Variants in OCA2 observed in about 807,000 individuals in gnomAD.
OCA2 encodes OCA2 melanosomal transmembrane protein.
In OCA2, 77 loss-of-function variants were observed where a neutral mutation model predicts 100.2. That is an observed-to-expected ratio of 0.77 (90% CI 0.64 to 0.93). OCA2 has a LOEUF of 0.93. Ranked by LOEUF, OCA2 falls within the 40% of genes least tolerant of loss-of-function variation. The pLI is 0.00. For missense variants in OCA2, 1,062 were observed against 1,089.1 expected (o/e 0.98, Z 0.35); for synonymous variants, 432 against 439.2 (o/e 0.98, Z 0.21).
chr15:28,015,814 T>C (rs1264501165), intron 8 of OCA2, among the ~76,000 whole-genome samples: 2 of 152,220 alleles, frequency 1.3e-5, no homozygotes, highest in African/African-American at 4.8e-5. Context: ...CTAAATTTCC[T>C]AGAATTCTCC....
intron 14 of OCA2, among the ~76,000 whole-genome samples, chr15:27,980,732 A>G (rs2041133052): frequency 6.6e-6 from 1 of 152,186 alleles, no homozygotes; most frequent in Non-Finnish European, 1.5e-5. Context: ...ATTATCTCTA[A>G]AGAGAAATAT....
At chr15:27,896,638 C>CA (rs58489908) in intron 19 of OCA2, 6,368 of 141,358 alleles carry the variant, frequency 0.045, 473 homozygotes, top group African/African-American at 0.16. Context: ...TTATTGACAG[C>CA]AAAAAAAAAA....
chr15:27,970,978 G>A (rs1454976062), intron 14 of OCA2, among the ~76,000 whole-genome samples: 4 of 151,814 alleles, frequency 2.6e-5, no homozygotes, highest in Non-Finnish European at 5.9e-5. Flanking sequence ...AGCAAGCACG[G>A]CATGGTGGGA....
At chr15:28,089,008 C>T (rs564451323) in intron 1 of OCA2, among the ~76,000 whole-genome samples, 1 of 152,312 alleles carries the variant, frequency 6.6e-6, no homozygotes, top group East Asian at 1.9e-4. Flanking sequence ...AGACAGACGT[C>T]CCCAAAGTGG....
chr15:28,042,147 A>G (rs1021500100), intron 2 of OCA2, among the ~76,000 whole-genome samples: 3 of 152,146 alleles, frequency 2.0e-5, no homozygotes, highest in African/African-American at 4.8e-5. Context: ...GGAAGAATGA[A>G]CTTATCAACT....
intron 15 of OCA2, among the ~76,000 whole-genome samples, chr15:27,962,713 T>G (rs1010508135): frequency 3.3e-5 from 5 of 152,164 alleles, no homozygotes. Context: ...ATTTAAATAC[T>G]CAATTAATTC....
chr15:27,874,796 G>C (rs1174508885), intron 19 of OCA2, among the ~76,000 whole-genome samples: 1 of 152,004 alleles, frequency 6.6e-6, no homozygotes, highest in Non-Finnish European at 1.5e-5. Context: ...AGGGGAAATA[G>C]AATTTTAAAT....
intron 15 of OCA2, among the ~76,000 whole-genome samples, chr15:27,965,953 CTGTT>C (rs112228806): frequency 0.025 from 3,787 of 150,916 alleles, 112 homozygotes; most frequent in African/African-American, 0.067. Context: ...TCAGCATCTG[CTGTT>C]TGTTTGTTTG....
intron 2 of OCA2, among the ~76,000 whole-genome samples, chr15:28,035,731 C>T (rs570220145): frequency 4.0e-5 from 6 of 151,482 alleles, no homozygotes; most frequent in Admixed American, 2.6e-4. Context: ...TCTGATTTCC[C>T]CCATGTCTCA....
chr15:27,871,217 C>T lies in OCA2; in HGVS notation c.2181G>A (p.Leu727=), dbSNP rs1270466645. The change falls in exon 21 of 24, where the codon CTG becomes CTA. Residue 727 remains leucine, a synonymous_variant. Transcript: ENST00000354638. The stretch of plus-strand genomic sequence containing the variant: ...ACGCCAGGGCTGAGACCCACACCAC[C>T]AGGACAATGGCGGCTATGAGGCGCT... ...EEQRLIAAIV[L]VVWVSALASS... is the part of the protein sequence containing the mutation. The T allele has an allele frequency of 6.2e-7, 1 of 1,614,032 alleles. No individual in the cohort carries two copies. The highest frequency in any genetic ancestry group is 1.7e-5 in the Admixed American group (1 of 59,992).
intron 23 of OCA2, among the ~76,000 whole-genome samples, chr15:27,841,791 T>G (rs1001306569): frequency 1.3e-5 from 2 of 152,234 alleles, no homozygotes; most frequent in African/African-American, 4.8e-5. Context: ...ATTCAGTGTT[T>G]ATACAGAAAG....
At chr15:28,017,733 A>G (rs2042443463) in intron 7 of OCA2, among the ~76,000 whole-genome samples, 1 of 152,128 alleles carries the variant, frequency 6.6e-6, no homozygotes, top group Admixed American at 6.5e-5. Flanking sequence ...GTTTCCCTCT[A>G]CTGGTTATAA....
intron 23 of OCA2, among the ~76,000 whole-genome samples, chr15:27,843,540 C>G (rs530523921): frequency 1.3e-5 from 2 of 152,286 alleles, no homozygotes; most frequent in South Asian, 4.1e-4. Context: ...AGAGTCCAAA[C>G]AGAAAGAACT....
At chr15:27,989,376 A>AT (rs1295324367) in intron 11 of OCA2, among the ~76,000 whole-genome samples, 2 of 152,196 alleles carry the variant, frequency 1.3e-5, no homozygotes, top group Non-Finnish European at 2.9e-5. Context: ...AAATGGCAAT[A>AT]TGACTTCATC....
chr15:27,743,563 C>G, the OCA2 span, among the ~76,000 whole-genome samples: 1 of 152,180 alleles, frequency 6.6e-6, no homozygotes, highest in Non-Finnish European at 1.5e-5. Context: ...CAGCACACCT[C>G]TGTCCATATC....
chr15:27,824,773 C>T (rs981864290), intron 23 of OCA2, among the ~76,000 whole-genome samples: 4 of 151,824 alleles, frequency 2.6e-5, no homozygotes, highest in African/African-American at 7.3e-5. Context: ...AAGCCTGCCT[C>T]GCACACGACT....
chr15:27,744,488 C>T, the OCA2 span, among the ~76,000 whole-genome samples: 1 of 152,156 alleles, frequency 6.6e-6, no homozygotes, highest in African/African-American at 2.4e-5. Flanking sequence ...TTGCTCTTCT[C>T]AAGGTGGGCC....
chr15:27,787,812 AAAGTTT>A (rs960100766), intron 23 of OCA2, among the ~76,000 whole-genome samples: 76 of 151,878 alleles, frequency 5.0e-4, no homozygotes, highest in South Asian at 1.9e-3. Flanking sequence ...TCTTATGGTA[AAAGTTT>A]AAGTTAATAT....
rs138611712 is a variant in OCA2, at chr15:28,081,806, G to A, written c.69C>T (p.Ser23=). 438 of 1,612,568 alleles carry A rather than the reference G, an allele frequency of 2.7e-4. No homozygotes were observed. The highest frequency in any genetic ancestry group is 1.4e-3 in the Admixed American group (81 of 59,996). The part of the protein sequence containing the change: ...GAPAVELLQT[S]VPSGLAELVA... ...CAAGTTCAGCGAGTCCGCTGGGCAC[G>A]GACGTCTGCAGGAGCTCCACCGCCG... Residue 23 remains serine (S), a synonymous_variant, in exon 2 of 24, where the codon TCC becomes TCT. Transcript: ENST00000354638.
Sources: allele counts gnomAD v4.1 joint callset (sites outside exome capture counted in the v4.1 genomes callset), GRCh38; gene constraint gnomAD v4.1.1; transcripts MANE v1.5; gene names NCBI Gene and HGNC (gene_info 2026-07-23, HGNC 2026-07-21).